Variants in PDLIM5 observed in about 807,000 individuals in gnomAD.
The protein encoded by PDLIM5 is PDZ and LIM domain 5.
A neutral mutation model predicts 64.2 loss-of-function variants in PDLIM5; 34 were observed. The ratio of observed to expected loss-of-function variants is 0.53; its 90% CI spans 0.40 to 0.71. PDLIM5 has a LOEUF of 0.71. Among genes scored for constraint, PDLIM5 ranks in the 30% least tolerant of loss-of-function variants. The pLI is 0.00. For synonymous variants in PDLIM5, 253 were observed against 269.1 expected (o/e 0.94, Z 0.59); for missense variants, 683 against 733.6 (o/e 0.93, Z 0.80).
intron 7 of PDLIM5, among the ~76,000 whole-genome samples, chr4:94,604,459 C>A (rs374396011): frequency 4.6e-5 from 7 of 152,210 alleles, no homozygotes; most frequent in African/African-American, 1.7e-4. Context: ...CATGGAGAAA[C>A]CCCGTCTCTA....
chr4:94,479,295 C>T (rs1004572854), intron 2 of PDLIM5, among the ~76,000 whole-genome samples: 2 of 146,500 alleles, frequency 1.4e-5, no homozygotes, highest in African/African-American at 2.5e-5. Context: ...GACAAAATGG[C>T]GCTTTTAGGA....
intron 3 of PDLIM5, among the ~76,000 whole-genome samples, chr4:94,560,888 A>T (rs1733780946): frequency 6.6e-6 from 1 of 151,954 alleles, no homozygotes; most frequent in South Asian, 2.1e-4. Flanking sequence ...CACCACGCCC[A>T]GCTAATTTTC....
At chr4:94,625,474 A>G (rs1202155090) in intron 8 of PDLIM5, among the ~76,000 whole-genome samples, 1 of 147,952 alleles carries the variant, frequency 6.8e-6, no homozygotes, top group Non-Finnish European at 1.5e-5. Context: ...TTTTTTTGAG[A>G]CAGAGTCTCT....
chr4:94,617,644 CAAAAA>C (rs61055444), intron 7 of PDLIM5, among the ~76,000 whole-genome samples: 1 of 66,600 alleles, frequency 1.5e-5, no homozygotes, highest in African/African-American at 5.3e-5. Flanking sequence ...CCTGTGTCTA[CAAAAA>C]AAAAAAAAAA....
intron 8 of PDLIM5, among the ~76,000 whole-genome samples, chr4:94,623,140 A>G (rs1739390484): frequency 6.6e-6 from 1 of 151,864 alleles, no homozygotes; most frequent in African/African-American, 2.4e-5. Context: ...TTACTGTCCA[A>G]AAACTGGTTC....
intron 2 of PDLIM5, among the ~76,000 whole-genome samples, chr4:94,502,073 T>C (rs1210502675): frequency 6.6e-6 from 1 of 152,152 alleles, no homozygotes; most frequent in African/African-American, 2.4e-5. Flanking sequence ...TTTTCCCTTA[T>C]TCCTACTCTT....
chr4:94,617,705 T>A (rs958723662), intron 7 of PDLIM5, among the ~76,000 whole-genome samples: 5 of 150,680 alleles, frequency 3.3e-5, no homozygotes, highest in African/African-American at 1.2e-4. Flanking sequence ...GGCTGAGGTG[T>A]CAGGGAGACT....
intron 3 of PDLIM5, among the ~76,000 whole-genome samples, chr4:94,555,833 A>G (rs1313418681): frequency 2.0e-5 from 3 of 151,874 alleles, no homozygotes; most frequent in Admixed American, 6.6e-5. Flanking sequence ...TAACCTCTTT[A>G]TAGATGAGGA....
At chr4:94,531,187 C>A (rs1019172994) in intron 3 of PDLIM5, among the ~76,000 whole-genome samples, 1 of 151,682 alleles carries the variant, frequency 6.6e-6, no homozygotes, top group Non-Finnish European at 1.5e-5. Flanking sequence ...TTCTTCTTTG[C>A]TTATTTGTTT....
rs556560232 is a variant in PDLIM5 at position 94,606,175 on chromosome 4, A to G, written c.921-11829A>G. On this transcript the variant is annotated intron_variant, in intron 7 of 12. Transcript: ENST00000317968. Reference sequence around the variant, plus strand: ...AATATTTGTTAACTTTATGGTAAGCACTTTGTTACACTTCATGTATATCAG... The same window carrying G: ...AATATTTGTTAACTTTATGGTAAGCGCTTTGTTACACTTCATGTATATCAG... 1.4e-4 allele frequency among the ~76,000 whole-genome samples: 21 copies of G among 152,336 alleles called. No homozygotes were observed. In the South Asian group the frequency reaches 4.3e-3, roughly 32 times the overall value.
chr4:94,597,357 T>C (rs1737144358), intron 7 of PDLIM5, among the ~76,000 whole-genome samples: 2 of 151,794 alleles, frequency 1.3e-5, no homozygotes, highest in Non-Finnish European at 2.9e-5. Flanking sequence ...TTAGCAGGGA[T>C]GTTGGAGCAG....
At chr4:94,662,397 G>A (rs780785515) in intron 11 of PDLIM5, 25 bp from the exon 12 acceptor site, 1 of 1,043,542 alleles carries the variant, frequency 9.6e-7, no homozygotes, top group South Asian at 1.3e-5. Context: ...TTTAAATTAT[G>A]TCTCTCTGCC....
intron 8 of PDLIM5, among the ~76,000 whole-genome samples, chr4:94,637,099 T>C (rs918830796): frequency 6.6e-6 from 1 of 152,118 alleles, no homozygotes; most frequent in Non-Finnish European, 1.5e-5. Flanking sequence ...GAATAAACTA[T>C]AGCATAGTTT....
At position 94,664,504 on chromosome 4, in the gene PDLIM5, A is replaced by G. The variant is rs1333719713; in HGVS notation, c.*437A>G. 4 of 704,066 alleles carry G rather than the reference A, an allele frequency of 5.7e-6. No homozygotes were observed. The African/African-American group carries it at 7.8e-5, about 14-fold the overall frequency. 43.6% of individuals were successfully genotyped at this position (704,066 alleles called of 1,614,324 possible). ...AATTATTGTATTTAAAAAAAAACTA[A>G]TACTTATCTTTAAAATAGTAAATAG... On this transcript the variant is annotated 3_prime_UTR_variant, in exon 13 of 13. Coordinates refer to ENST00000317968, the MANE Select transcript of PDLIM5 (RefSeq NM_006457.5).
chr4:94,525,083 ATC>A (rs1196442329), intron 3 of PDLIM5, among the ~76,000 whole-genome samples: 1 of 152,160 alleles, frequency 6.6e-6, no homozygotes, highest in Non-Finnish European at 1.5e-5. Context: ...GCATATAATT[ATC>A]TTAGTCTTCC....
chr4:94,584,329 A>G (rs1476752883), intron 5 of PDLIM5: 1 of 152,202 alleles, frequency 6.6e-6, no homozygotes, highest in Non-Finnish European at 1.5e-5. Flanking sequence ...ATGATGCTCA[A>G]TATATCATAG....
intron 7 of PDLIM5, among the ~76,000 whole-genome samples, chr4:94,588,995 C>T (rs1736466380): frequency 6.6e-6 from 1 of 152,232 alleles, no homozygotes; most frequent in East Asian, 1.9e-4. Flanking sequence ...AGACAGAGGT[C>T]CTGCCTGCTT....
At chr4:94,574,236 G>A (rs1355712185) in intron 4 of PDLIM5, among the ~76,000 whole-genome samples, 2 of 152,056 alleles carry the variant, frequency 1.3e-5, no homozygotes, top group Non-Finnish European at 2.9e-5. Flanking sequence ...GGTGGGTCAC[G>A]CCTGTAATCC....
chr4:94,554,242 T>C (rs1194689764), intron 3 of PDLIM5, among the ~76,000 whole-genome samples: 1 of 152,258 alleles, frequency 6.6e-6, no homozygotes, highest in Admixed American at 6.5e-5. Flanking sequence ...GCTAATGCTG[T>C]TGTTTTCCTT....
Sources: allele counts gnomAD v4.1 joint callset (sites outside exome capture counted in the v4.1 genomes callset), GRCh38; gene constraint gnomAD v4.1.1; transcripts MANE v1.5; gene names NCBI Gene and HGNC (gene_info 2026-07-23, HGNC 2026-07-21).